Variants in PIEZO2 observed in about 807,000 individuals in gnomAD.
PIEZO2 encodes the protein piezo-type mechanosensitive ion channel component 2.
Under a neutral mutation model 337.3 loss-of-function variants are expected in PIEZO2, and 172 were observed. The observed-to-expected ratio is 0.51, with a 90% CI of 0.45 to 0.58. The LOEUF (loss-of-function observed/expected upper bound fraction) is 0.58, where lower values mean the gene tolerates loss of function less well. Ranked by LOEUF, PIEZO2 falls within the 20% of genes least tolerant of loss-of-function variation. The pLI is 0.00. For missense variants in PIEZO2, 3,028 were observed against 3,391.3 expected (o/e 0.89, Z 2.66); for synonymous variants, 1,251 against 1,228.5 (o/e 1.02, Z -0.38).
At chr18:10,981,752 T>A (rs1351666113) in intron 2 of PIEZO2, among the ~76,000 whole-genome samples, 1 of 152,220 alleles carries the variant, frequency 6.6e-6, no homozygotes, top group Non-Finnish European at 1.5e-5. Flanking sequence ...CAGCTGCCAA[T>A]GTGGCTAGGA....
intron 2 of PIEZO2, among the ~76,000 whole-genome samples, chr18:11,010,984 A>G (rs1450265633): frequency 6.6e-6 from 1 of 152,236 alleles, no homozygotes; most frequent in Non-Finnish European, 1.5e-5. Flanking sequence ...TTCATGCGAC[A>G]TCAGTTCATT....
rs1448428729 is a variant in PIEZO2, at chr18:10,696,244, G to A, written c.7020C>T (p.Asp2340=). ...TCACCAAAAACGGCCCCGGGACCTG[G>A]TCCTCTGACAGTGAAGAGGTGATGT... is the stretch of plus-strand genomic sequence containing the variant. ...AADITSSLSE[D]QVPGPFLVMV... The change falls in exon 47 of 56, where the codon GAC becomes GAT. Residue 2340 remains aspartate (D), a synonymous_variant. Coordinates refer to ENST00000674853, the MANE Select transcript of PIEZO2 (RefSeq NM_001378183.1). The A allele has an allele frequency of 1.2e-6, 2 of 1,614,220 alleles. No homozygotes were observed. Among genetic ancestry groups the A allele is most frequent in the Non-Finnish European group, 8.5e-7 (1 of 1,180,040 alleles).
Position 10,766,458 on chromosome 18 carries a change from CAA to C in PIEZO2, c.2947-3362_2947-3361del, listed in dbSNP as rs1462718988. Among the ~76,000 whole-genome samples the C allele has an allele frequency of 6.6e-6, 1 of 152,180 alleles. No homozygotes were observed. The highest frequency in any genetic ancestry group is 2.4e-5 in the African/African-American group (1 of 41,436). On this transcript the variant is annotated intron_variant, in intron 21 of 55. Transcript: ENST00000674853. The surrounding 1 kb of genome is among the most constrained non-coding windows in gnomAD (Gnocchi z 6.1). The stretch of plus-strand genomic sequence containing the variant: ...CAACTGTCCAGGTGATTCTTACTAT[CAA>C]GGATTTTGAGAAACAGTTTTATGCA...
chr18:10,733,668 T>TA lies in PIEZO2; in HGVS notation c.4914+1563_4914+1564insT, dbSNP rs570286561. On this transcript the variant is annotated intron_variant, in intron 35 of 55. Transcript: ENST00000674853. ...TTTCACTGTGTTAGCCAGGATGGTC[T>TA]CGATCTCCTGACCTCGTGATCTGCC... Among the ~76,000 whole-genome samples, 42 of 152,280 alleles carry TA rather than the reference T, an allele frequency of 2.8e-4. 1 individual carries two copies. Among genetic ancestry groups the TA allele is most frequent in the South Asian group, 8.3e-4 (4 of 4,826 alleles).
In PIEZO2 at chr18:10,750,141, C is replaced by G; in HGVS notation, c.4214G>C (p.Trp1405Ser). The change falls in exon 29 of 56, where the codon TGG (tryptophan) becomes TCG (serine). Residue 1405 changes from tryptophan (W) to serine (S), a missense_variant. Transcript: ENST00000674853. This position sits in a 1 kb window ranked among gnomAD's most constrained non-coding sequence, Gnocchi z 4.1. Reference sequence around the variant, plus strand: ...GGCCAGGCTGAAAGCCTGGATCAACCAACAACTATTGTGCACCAATGTTCC... The same window carrying G: ...GGCCAGGCTGAAAGCCTGGATCAACGAACAACTATTGTGCACCAATGTTCC... The part of the protein sequence containing the change: ...YIGTLVHNSC[W>S]LIQAFSLACT... The G allele has an allele frequency of 6.5e-7, 1 of 1,537,172 alleles. No homozygotes were observed. Among genetic ancestry groups the G allele is most frequent in the Non-Finnish European group, 8.7e-7 (1 of 1,146,860 alleles).
intron 4 of PIEZO2, among the ~76,000 whole-genome samples, chr18:10,881,095 G>C (rs970031696): frequency 2.6e-5 from 4 of 151,486 alleles, no homozygotes; most frequent in South Asian, 4.2e-4. Context: ...TGACGCATTA[G>C]AGAAAACAAA....
chr18:10,880,450 A>C (rs1568159139), intron 4 of PIEZO2, among the ~76,000 whole-genome samples: 1 of 152,208 alleles, frequency 6.6e-6, no homozygotes, highest in African/African-American at 2.4e-5. Flanking sequence ...AATGAAATTT[A>C]GATGAGACCA....
chr18:10,779,662 A>C (rs1243333221), intron 18 of PIEZO2, among the ~76,000 whole-genome samples: 1 of 152,224 alleles, frequency 6.6e-6, no homozygotes, highest in Non-Finnish European at 1.5e-5. Flanking sequence ...ATTTGAAGAA[A>C]GTGATGTTTT....
At chr18:10,932,548 G>A (rs1203745964) in intron 3 of PIEZO2, among the ~76,000 whole-genome samples, 1 of 152,156 alleles carries the variant, frequency 6.6e-6, no homozygotes, top group Admixed American at 6.5e-5. Context: ...CTAGCCTTCT[G>A]CAGTTACATC....
At chr18:10,897,373 G>A (rs1314508168) in intron 4 of PIEZO2, among the ~76,000 whole-genome samples, 1 of 152,182 alleles carries the variant, frequency 6.6e-6, no homozygotes, top group Non-Finnish European at 1.5e-5. Context: ...ATTTTTAGTA[G>A]AGACGGGATT....
chr18:11,085,366 T>C (rs1000823689), intron 1 of PIEZO2, among the ~76,000 whole-genome samples: 21 of 152,112 alleles, frequency 1.4e-4, no homozygotes, highest in African/African-American at 4.6e-4. Context: ...TCCAGTCACC[T>C]GCTTGCCCTT....
At chr18:11,138,080 T>C (rs1232974613) in intron 1 of PIEZO2, among the ~76,000 whole-genome samples, 4 of 152,200 alleles carry the variant, frequency 2.6e-5, no homozygotes, top group East Asian at 3.8e-4. Context: ...CCAATCGCTA[T>C]AGGAAACTAG....
Position 10,784,957 on chromosome 18 carries a change from C to G in PIEZO2, c.2319G>C (p.Lys773Asn), listed in dbSNP as rs1341069001. The G allele has an allele frequency of 6.5e-7, 1 of 1,528,992 alleles. No individual in the cohort carries two copies. The highest frequency in any genetic ancestry group is 8.7e-7 in the Non-Finnish European group (1 of 1,144,122). The allele number at this position is 1,528,992 out of a possible 1,614,324, so 94.7% of individuals were successfully genotyped here. The change falls in exon 17 of 56, where the codon AAG becomes AAC. Residue 773 changes from lysine to asparagine, a missense_variant and splice_region_variant. Transcript: ENST00000674853. This position sits in a 1 kb window ranked among gnomAD's most constrained non-coding sequence, Gnocchi z 4.5. ...ACTGCTTTAAGCCAAGATCCTCAAG[C>G]CTGCAAAACAAAACAAAATAAAAAG... ...WQNMTGLKKE[K>N]LEDLGLKQFT...
chr18:10,701,892 T>G, intron 43 of PIEZO2, 97 bp downstream of exon 43: 1 of 1,073,358 alleles, frequency 9.3e-7, no homozygotes, highest in Non-Finnish European at 1.3e-6. Flanking sequence ...CTCAGCCCCA[T>G]CACCAATCCT....
intron 3 of PIEZO2, among the ~76,000 whole-genome samples, chr18:10,958,530 T>G (rs2033633932): frequency 6.6e-6 from 1 of 152,214 alleles, no homozygotes; most frequent in Non-Finnish European, 1.5e-5. Flanking sequence ...GTTAAAAGAA[T>G]AGATTATTAA....
intron 2 of PIEZO2, among the ~76,000 whole-genome samples, chr18:11,057,550 T>C (rs2037775805): frequency 6.6e-6 from 1 of 152,178 alleles, no homozygotes. Flanking sequence ...ATAGCTTGGA[T>C]TTGCAGGGAG....
At chr18:11,140,175 T>A (rs958001194) in intron 1 of PIEZO2, among the ~76,000 whole-genome samples, 1 of 152,042 alleles carries the variant, frequency 6.6e-6, no homozygotes, top group African/African-American at 2.4e-5. Context: ...CTTCAAAAAT[T>A]TTTTTCCCCA....
intron 22 of PIEZO2, 104 bp from the exon 23 acceptor site, chr18:10,762,729 G>C (rs775874310): frequency 1.4e-6 from 2 of 1,403,474 alleles, no homozygotes; most frequent in Non-Finnish European, 1.9e-6. Context: ...GGTAGGATGG[G>C]AGGGACAGGC....
In PIEZO2 at chr18:11,149,151, C is replaced by G. The variant is rs1202162406; in HGVS notation, c.-563G>C. On this transcript the variant is annotated 5_prime_UTR_variant, in exon 1 of 56. Coordinates refer to ENST00000674853, the MANE Select transcript of PIEZO2 (RefSeq NM_001378183.1). The surrounding 1 kb of genome is among the most constrained non-coding windows in gnomAD (Gnocchi z 8.7). The stretch of plus-strand genomic sequence containing the variant: ...CTCGGCCCCGGCTCTCGGAGCTGCC[C>G]GGCGGGCTCCGGGTCTCGCCCTCCA... Among the ~76,000 whole-genome samples, 2 of 152,126 alleles carry G rather than the reference C, an allele frequency of 1.3e-5. No individual in the cohort carries two copies. Among genetic ancestry groups the G allele is most frequent in the Non-Finnish European group, 2.9e-5 (2 of 68,018 alleles).
Sources: allele counts gnomAD v4.1 joint callset (sites outside exome capture counted in the v4.1 genomes callset), GRCh38; gene constraint gnomAD v4.1.1; non-coding constraint Gnocchi (gnomAD v3.1); transcripts MANE v1.5; gene names NCBI Gene and HGNC (gene_info 2026-07-23, HGNC 2026-07-21).